The following PRKG1 variants were observed in gnomAD, a reference collection of about 807,000 sequenced individuals.
PRKG1 encodes the protein protein kinase cGMP-dependent 1.
A neutral mutation model predicts 88.1 loss-of-function variants in PRKG1; 35 were observed. The ratio of observed to expected loss-of-function variants is 0.40; its 90% CI spans 0.30 to 0.53. The LOEUF (loss-of-function observed/expected upper bound fraction) is 0.53, where lower values mean the gene tolerates loss of function less well. Ranked by LOEUF, PRKG1 falls within the 20% of genes least tolerant of loss-of-function variation. PRKG1 has a pLI of 0.59. For synonymous variants in PRKG1, 303 were observed against 292.5 expected, an observed-to-expected ratio of 1.04 and a Z score of -0.37; for missense variants, 540 against 839.8, an observed-to-expected ratio of 0.64 and a Z score of 4.41.
chr10:51,844,794 G>A (rs1039569568), intron 4 of PRKG1, among the ~76,000 whole-genome samples: 1 of 152,130 alleles, frequency 6.6e-6, no homozygotes, highest in African/African-American at 2.4e-5. Context: ...GAGACAGAGG[G>A]AGGTGATGTT....
intron 1 of PRKG1, among the ~76,000 whole-genome samples, chr10:51,016,285 G>C (rs1440008885): frequency 1.3e-5 from 2 of 152,172 alleles, no homozygotes; most frequent in African/African-American, 4.8e-5. Context: ...TGCCAGCTCT[G>C]TGTTTTACCT....
intron 9 of PRKG1, among the ~76,000 whole-genome samples, chr10:52,195,287 G>A (rs912028167): frequency 2.0e-5 from 3 of 151,592 alleles, no homozygotes; most frequent in Non-Finnish European, 4.4e-5. Context: ...AAGACAACTA[G>A]CACCAAAATG....
chr10:52,097,693 A>T (rs992681435), intron 7 of PRKG1, among the ~76,000 whole-genome samples: 1 of 151,984 alleles, frequency 6.6e-6, no homozygotes, highest in Non-Finnish European at 1.5e-5. Flanking sequence ...TGATGTCTTC[A>T]CAAGATTAGG....
chr10:52,029,196 C>G (rs899607198), intron 5 of PRKG1, among the ~76,000 whole-genome samples: 2 of 152,152 alleles, frequency 1.3e-5, no homozygotes, highest in African/African-American at 4.8e-5. Flanking sequence ...CATCATTATT[C>G]CAAAATAGAA....
intron 4 of PRKG1, among the ~76,000 whole-genome samples, chr10:51,812,587 C>T (rs1350955607): frequency 6.6e-6 from 1 of 152,054 alleles, no homozygotes; most frequent in African/African-American, 2.4e-5. Context: ...GTGACCATGA[C>T]TTTTTTTGGT....
At chr10:51,048,046 T>C (rs1843513337) in intron 1 of PRKG1, among the ~76,000 whole-genome samples, 1 of 152,136 alleles carries the variant, frequency 6.6e-6, no homozygotes, top group Non-Finnish European at 1.5e-5. Flanking sequence ...TAATACTTAG[T>C]TTTCATAGCA....
chr10:51,346,896 T>G (rs1842125003), intron 2 of PRKG1, among the ~76,000 whole-genome samples: 1 of 152,196 alleles, frequency 6.6e-6, no homozygotes, highest in African/African-American at 2.4e-5. Flanking sequence ...GTGGCTCTCT[T>G]GTGTAAACCG....
At chr10:51,663,681 G>A (rs866508616) in intron 3 of PRKG1, among the ~76,000 whole-genome samples, 1 of 147,154 alleles carries the variant, frequency 6.8e-6, no homozygotes, top group Non-Finnish European at 1.5e-5. Context: ...CAAGCCACTG[G>A]GAAACAGTGA....
chr10:51,697,940 C>CCTCCTCCT (rs1841343803), intron 3 of PRKG1: 1 of 1,598,944 alleles, frequency 6.3e-7, no homozygotes, highest in African/African-American at 1.3e-5. Context: ...TCCTTGTATA[C>CCTCCTCCT]TGACTCCTTG....
chr10:51,328,821 G>A (rs978532999), intron 2 of PRKG1, among the ~76,000 whole-genome samples: 4 of 152,142 alleles, frequency 2.6e-5, no homozygotes, highest in African/African-American at 9.7e-5. Flanking sequence ...TTTGAGAAAT[G>A]TCTATTCAGG....
chr10:51,887,176 G>T (rs1012728661), intron 4 of PRKG1, among the ~76,000 whole-genome samples: 10 of 152,070 alleles, frequency 6.6e-5, no homozygotes, highest in Admixed American at 5.9e-4. Context: ...GTAGAGACAG[G>T]GTTTCGCCAT....
chr10:52,178,200 C>T (rs984324085), intron 9 of PRKG1, among the ~76,000 whole-genome samples: 25 of 151,998 alleles, frequency 1.6e-4, no homozygotes, highest in Admixed American at 1.5e-3. Flanking sequence ...GGTTATGTTG[C>T]ATTTCTATTT....
intron 8 of PRKG1, among the ~76,000 whole-genome samples, chr10:52,155,732 G>GCCACACACACACACACACACACACAC (rs3220860): frequency 6.8e-6 from 1 of 147,788 alleles, no homozygotes; most frequent in South Asian, 2.1e-4. Flanking sequence ...ATTGCCATTG[G>GCCACACACACACACACACACACACAC]ACACACACAC....
intron 9 of PRKG1, among the ~76,000 whole-genome samples, chr10:52,180,723 A>G (rs754957731): frequency 5.3e-5 from 8 of 152,204 alleles, no homozygotes; most frequent in East Asian, 1.9e-4. Flanking sequence ...TTTGCCAGAC[A>G]TCGGCTTGTC....
At chr10:51,994,195 AG>A (rs760731083) in intron 5 of PRKG1, among the ~76,000 whole-genome samples, 5 of 152,078 alleles carry the variant, frequency 3.3e-5, no homozygotes, top group Non-Finnish European at 5.9e-5. Flanking sequence ...TTCTCATCTT[AG>A]GGGTATATAT....
chr10:51,684,206 T>A (rs891382655), intron 3 of PRKG1, among the ~76,000 whole-genome samples: 4 of 152,054 alleles, frequency 2.6e-5, no homozygotes, highest in Non-Finnish European at 5.9e-5. Flanking sequence ...CATGGATAAA[T>A]TTTTTTTAAA....
At chr10:52,152,143 T>A (rs929871132) in intron 8 of PRKG1, among the ~76,000 whole-genome samples, 1 of 152,170 alleles carries the variant, frequency 6.6e-6, no homozygotes, top group Admixed American at 6.5e-5. Context: ...AATAAAACTT[T>A]GCTTCAGAAA....
chr10:51,226,624 A>G (rs2132101159), intron 2 of PRKG1, among the ~76,000 whole-genome samples: 2 of 152,336 alleles, frequency 1.3e-5, no homozygotes, highest in East Asian at 3.9e-4. Context: ...TTAATAGCAT[A>G]CTAATACAAT....
chr10:51,811,097 A>C (rs1839445083), intron 4 of PRKG1, among the ~76,000 whole-genome samples: 1 of 152,192 alleles, frequency 6.6e-6, no homozygotes, highest in Non-Finnish European at 1.5e-5. Context: ...AGCTTAGACT[A>C]AAACTCAGGT....
Sources: allele counts gnomAD v4.1 joint callset (sites outside exome capture counted in the v4.1 genomes callset), GRCh38; gene constraint gnomAD v4.1.1; transcripts MANE v1.5; gene names NCBI Gene and HGNC (gene_info 2026-07-23, HGNC 2026-07-21).